ZFYVE9: variants seen among roughly 807,000 people sequenced by gnomAD.
ZFYVE9 encodes zinc finger FYVE-type containing 9.
ZFYVE9 carries 43 observed loss-of-function variants against 126.7 expected under a neutral mutation model. That is an observed-to-expected ratio of 0.34 (90% confidence interval 0.27 to 0.44). The LOEUF (loss-of-function observed/expected upper bound fraction) is 0.44. Among genes scored for constraint, ZFYVE9 ranks in the 20% least tolerant of loss-of-function variants. ZFYVE9 has a pLI of 1.00. For synonymous variants in ZFYVE9, 521 were observed against 597.4 expected (o/e 0.87, Z 1.87); for missense variants, 1,476 against 1,697.0 (o/e 0.87, Z 2.29).
At chr1:52,266,869 C>G (rs764990761) in intron 6 of ZFYVE9, 38 bp downstream of exon 6, 2 of 1,502,508 alleles carry the variant, frequency 1.3e-6, no homozygotes, top group East Asian at 2.5e-5. Context: ...TTTTTCCTCA[C>G]GAAGTTCCTC....
At chr1:52,171,778 T>G (rs1331850182) in intron 1 of ZFYVE9, among the ~76,000 whole-genome samples, 6 of 152,230 alleles carry the variant, frequency 3.9e-5, no homozygotes, top group South Asian at 2.1e-4. Context: ...TCATGTGTCT[T>G]TTGGCTACAT....
intron 4 of ZFYVE9, among the ~76,000 whole-genome samples, chr1:52,246,524 T>C (rs1645385507): frequency 6.7e-6 from 1 of 150,116 alleles, no homozygotes; most frequent in African/African-American, 2.5e-5. Flanking sequence ...TTATCCTGTT[T>C]TTTTTCCTGG....
At position 52,256,367 on chromosome 1, in the gene ZFYVE9, CT is replaced by C. The variant is rs953545461; in HGVS notation, c.2179-7396del. Among the ~76,000 whole-genome samples the C allele has an allele frequency of 1.7e-4, 25 of 148,714 alleles. No homozygotes were observed. In the South Asian group the frequency reaches 2.8e-3, roughly 17 times the overall value. On this transcript the variant is annotated intron_variant, in intron 4 of 18. Coordinates refer to ENST00000287727, the MANE Select transcript of ZFYVE9 (RefSeq NM_004799.4). ...CAGGCATGAGCCACCATGCCCGGCT[CT>C]TTTTTTTTTCTTTTTCTTTTTTGAG...
chr1:52,151,983 A>G (rs1227075341), intron 1 of ZFYVE9, among the ~76,000 whole-genome samples: 2 of 151,728 alleles, frequency 1.3e-5, no homozygotes, highest in Non-Finnish European at 1.5e-5. Flanking sequence ...TTGTTCAGCT[A>G]TGTATTACCC....
chr1:52,197,132 C>A (rs781053130), intron 1 of ZFYVE9, among the ~76,000 whole-genome samples: 1 of 151,854 alleles, frequency 6.6e-6, no homozygotes. Flanking sequence ...TTTCAGTAAT[C>A]CAGATGTGAG....
At chr1:52,303,497 T>C (rs938315278) in intron 12 of ZFYVE9, among the ~76,000 whole-genome samples, 1 of 152,212 alleles carries the variant, frequency 6.6e-6, no homozygotes, top group African/African-American at 2.4e-5. Flanking sequence ...TTGTACTCTC[T>C]TGGAGCTTCA....
rs113612315 is a variant in ZFYVE9 at position 52,162,110 on chromosome 1, TA to T, written c.-143+19719del. On this transcript the variant is annotated intron_variant, in intron 1 of 18. Transcript: ENST00000287727. Reference sequence around the variant, plus strand: ...TCAGAAGCTTAGGGACATCCAGAATTAAAAAAAAAAAAGGAGAGGAAAAAGA... The same window carrying T: ...TCAGAAGCTTAGGGACATCCAGAATTAAAAAAAAAAAGGAGAGGAAAAAGA... 8.2e-3 allele frequency: 1,154 copies of T among 141,122 alleles called. 2 individuals carry two copies. Among genetic ancestry groups the T allele is most frequent in the South Asian group, 0.013 (60 of 4,782 alleles). The allele number at this position is 141,122 out of a possible 1,614,324, so 8.7% of individuals were successfully genotyped here. A position where few individuals can be genotyped will look rare whatever the true frequency, so the allele number is the denominator to read the frequency against.
intron 1 of ZFYVE9, among the ~76,000 whole-genome samples, chr1:52,144,067 G>A (rs916374979): frequency 2.0e-5 from 3 of 152,166 alleles, no homozygotes; most frequent in East Asian, 1.9e-4. Context: ...CTTGGGCAAC[G>A]TAAGCAAGAT....
intron 2 of ZFYVE9, among the ~76,000 whole-genome samples, chr1:52,217,147 G>A (rs1211664100): frequency 1.3e-5 from 2 of 152,278 alleles, no homozygotes; most frequent in South Asian, 2.1e-4. Context: ...AGAGCACACC[G>A]AACAAAGGAA....
chr1:52,307,934 A>G (rs760192465), intron 13 of ZFYVE9, among the ~76,000 whole-genome samples: 12 of 151,452 alleles, frequency 7.9e-5, no homozygotes, highest in Non-Finnish European at 1.3e-4. Context: ...TTGTATTTTT[A>G]GTAGATACGG....
chr1:52,294,381 A>G (rs145079071), intron 11 of ZFYVE9, among the ~76,000 whole-genome samples: 2 of 152,374 alleles, frequency 1.3e-5, no homozygotes, highest in East Asian at 3.9e-4. Flanking sequence ...ACAGGATCAA[A>G]TGAGAGAATA....
At chr1:52,343,598 A>G (rs1449727935) in intron 17 of ZFYVE9, among the ~76,000 whole-genome samples, 1 of 151,276 alleles carries the variant, frequency 6.6e-6, no homozygotes, top group East Asian at 2.0e-4. Context: ...TCTACTAAAA[A>G]TATAAAAATT....
chr1:52,162,464 A>T (rs116625276), intron 1 of ZFYVE9: 2 of 254,308 alleles, frequency 7.9e-6, no homozygotes, highest in Admixed American at 7.6e-5. Context: ...AATTTCTTCT[A>T]TCATCCAGCT....
chr1:52,157,879 C>G (rs192888792), intron 1 of ZFYVE9, among the ~76,000 whole-genome samples: 30 of 152,250 alleles, frequency 2.0e-4, no homozygotes, highest in Middle Eastern at 6.8e-3. Flanking sequence ...CACCACTGAA[C>G]TTCTTAGTGA....
chr1:52,320,259 G>C lies in ZFYVE9; in HGVS notation c.3439-12509G>C, dbSNP rs574920537. Among the ~76,000 whole-genome samples, 71 of 151,860 alleles carry C rather than the reference G, an allele frequency of 4.7e-4. 1 individual carries two copies. The highest frequency in any genetic ancestry group is 1.6e-3 in the African/African-American group (66 of 41,426). ...CTAATTTTGTATTTTTAGTAGAGAC[G>C]GGGTTTCTCCATGTTGGCCAGGCTG... On this transcript the variant is annotated intron_variant, in intron 13 of 18. Coordinates refer to ENST00000287727, the MANE Select transcript of ZFYVE9 (RefSeq NM_004799.4).
At chr1:52,321,666 C>G (rs1218663848) in intron 13 of ZFYVE9, among the ~76,000 whole-genome samples, 1 of 152,116 alleles carries the variant, frequency 6.6e-6, no homozygotes, top group Non-Finnish European at 1.5e-5. Context: ...AGTCAAACTC[C>G]TGGCTTTCCC....
chr1:52,301,117 A>G (rs1160743645), intron 12 of ZFYVE9, among the ~76,000 whole-genome samples: 1 of 151,542 alleles, frequency 6.6e-6, no homozygotes, highest in Non-Finnish European at 1.5e-5. Context: ...GCCCTGGCCT[A>G]CCAAAGTGCT....
At chr1:52,333,330 G>A (rs914153106) in intron 14 of ZFYVE9, among the ~76,000 whole-genome samples, 1 of 151,672 alleles carries the variant, frequency 6.6e-6, no homozygotes, top group African/African-American at 2.4e-5. Context: ...TATTGACAAG[G>A]GCCAGCTCTG....
chr1:52,192,899 C>A (rs1644828594), intron 1 of ZFYVE9, among the ~76,000 whole-genome samples: 1 of 152,036 alleles, frequency 6.6e-6, no homozygotes, highest in Non-Finnish European at 1.5e-5. Flanking sequence ...ATAGTAATAG[C>A]AAATTTAAGT....
Sources: gnomAD v4.1 joint callset for allele counts (sites outside exome capture counted in the v4.1 genomes callset) on GRCh38, gnomAD v4.1.1 for gene constraint, MANE v1.5 for transcripts, NCBI Gene and HGNC (gene_info 2026-07-23, HGNC 2026-07-21) for gene names.